Variants in CAMK1D observed in about 807,000 individuals in gnomAD.
CAMK1D encodes calcium/calmodulin-dependent protein kinase type 1D.
In CAMK1D, 9 loss-of-function variants were observed where a neutral mutation model predicts 47.7. The ratio of observed to expected loss-of-function variants is 0.19; its 90% confidence interval spans 0.11 to 0.33. The LOEUF (loss-of-function observed/expected upper bound fraction) is 0.33. Ranked by LOEUF, CAMK1D falls within the 10% of genes least tolerant of loss-of-function variation. CAMK1D has a pLI of 1.00. For synonymous variants in CAMK1D, 184 were observed against 184.9 expected (o/e 0.99, Z 0.04); for missense variants, 291 against 488.7 (o/e 0.60, Z 3.81).
At chr10:12,695,739 A>G (rs1324182428) in intron 3 of CAMK1D, among the ~76,000 whole-genome samples, 7 of 152,028 alleles carry the variant, frequency 4.6e-5, no homozygotes, top group Admixed American at 4.6e-4. Flanking sequence ...TTTTAAATTT[A>G]ATGGTTCTGT....
At chr10:12,667,172 A>G (rs1295558692) in intron 3 of CAMK1D, among the ~76,000 whole-genome samples, 2 of 152,228 alleles carry the variant, frequency 1.3e-5, no homozygotes, top group Non-Finnish European at 2.9e-5. Context: ...TCCTGTCTCT[A>G]GGAGAAACTC....
intron 2 of CAMK1D, among the ~76,000 whole-genome samples, chr10:12,592,384 A>G (rs1838023115): frequency 6.6e-6 from 1 of 152,226 alleles, no homozygotes; most frequent in Non-Finnish European, 1.5e-5. Flanking sequence ...TTGCCAGCCA[A>G]GAGTATTTTT....
intron 3 of CAMK1D, among the ~76,000 whole-genome samples, chr10:12,688,410 A>T (rs926137319): frequency 6.6e-6 from 1 of 152,222 alleles, no homozygotes; most frequent in African/African-American, 2.4e-5. Context: ...TCTAATTACT[A>T]ACTTCTCTTT....
intron 1 of CAMK1D, among the ~76,000 whole-genome samples, chr10:12,488,418 A>T (rs934298931): frequency 6.6e-6 from 1 of 152,140 alleles, no homozygotes; most frequent in Non-Finnish European, 1.5e-5. Context: ...GTTAGTGCAG[A>T]TGGCAGAGGA....
intron 3 of CAMK1D, among the ~76,000 whole-genome samples, chr10:12,670,383 TG>T (rs748727964): frequency 6.6e-6 from 1 of 152,148 alleles, no homozygotes; most frequent in East Asian, 1.9e-4. Flanking sequence ...ATCACATTCT[TG>T]GGTTGAAAGT....
intron 1 of CAMK1D, among the ~76,000 whole-genome samples, chr10:12,384,490 A>C (rs1452756639): frequency 6.6e-6 from 1 of 152,240 alleles, no homozygotes; most frequent in Non-Finnish European, 1.5e-5. Context: ...TGGTGTATAG[A>C]TCAGTGGACT....
chr10:12,379,447 G>A (rs1346402067), intron 1 of CAMK1D, among the ~76,000 whole-genome samples: 2 of 152,064 alleles, frequency 1.3e-5, no homozygotes, highest in Non-Finnish European at 2.9e-5. Flanking sequence ...GCTCAAAAAT[G>A]TTAGCTAAAA....
At chr10:12,821,607 G>A (rs1833013391) in intron 8 of CAMK1D, among the ~76,000 whole-genome samples, 1 of 152,258 alleles carries the variant, frequency 6.6e-6, no homozygotes, top group African/African-American at 2.4e-5. Context: ...TGGTCCGTGA[G>A]TGGTGGATAG....
intron 1 of CAMK1D, among the ~76,000 whole-genome samples, chr10:12,380,873 AAAAC>A (rs1488818492): frequency 6.6e-6 from 1 of 152,152 alleles, no homozygotes; most frequent in Non-Finnish European, 1.5e-5. Flanking sequence ...AACAAACAAA[AAAAC>A]AAACCCCACG....
At chr10:12,712,077 G>C (rs1332959153) in intron 3 of CAMK1D, among the ~76,000 whole-genome samples, 1 of 152,220 alleles carries the variant, frequency 6.6e-6, no homozygotes, top group East Asian at 1.9e-4. Context: ...TTGAGGGGCA[G>C]AGTAGGTTTA....
At chr10:12,747,462 C>T (rs1270687858) in intron 3 of CAMK1D, among the ~76,000 whole-genome samples, 1 of 152,100 alleles carries the variant, frequency 6.6e-6, no homozygotes, top group Non-Finnish European at 1.5e-5. Flanking sequence ...TGCACCACCA[C>T]GCCTGGCCAA....
intron 2 of CAMK1D, among the ~76,000 whole-genome samples, chr10:12,638,940 G>A (rs1839590066): frequency 6.6e-6 from 1 of 152,162 alleles, no homozygotes; most frequent in South Asian, 2.1e-4. Context: ...AGTCAGCGGT[G>A]GCTCTGCCTG....
chr10:12,506,607 C>T (rs1275190804), intron 1 of CAMK1D, among the ~76,000 whole-genome samples: 4 of 152,148 alleles, frequency 2.6e-5, no homozygotes, highest in Non-Finnish European at 4.4e-5. Context: ...CAGTCTCCGC[C>T]TCCCGGGTTC....
intron 3 of CAMK1D, among the ~76,000 whole-genome samples, chr10:12,752,620 A>C (rs1167284348): frequency 6.6e-6 from 1 of 152,196 alleles, no homozygotes; most frequent in Non-Finnish European, 1.5e-5. Context: ...ACACATAATA[A>C]ACTCCCATTA....
intron 1 of CAMK1D, among the ~76,000 whole-genome samples, chr10:12,541,842 TCTTCCTTCCTTCCTTC>T (rs150179810): frequency 4.8e-4 from 56 of 116,628 alleles, no homozygotes; most frequent in South Asian, 9.6e-4. Context: ...CTGTGTTTTA[TCTTCCTTCCTTCCTTC>T]CTTCCTTCCT....
At chr10:12,470,509 TTTTTCTTCTTC>T (rs1833712850) in intron 1 of CAMK1D, among the ~76,000 whole-genome samples, 1 of 142,452 alleles carries the variant, frequency 7.0e-6, no homozygotes, top group Non-Finnish European at 1.5e-5. Flanking sequence ...CTTCTTCTTC[TTTTTCTTCTTC>T]TTTTTTTTTT....
chr10:12,665,314 A>G (rs1415674881), intron 2 of CAMK1D, among the ~76,000 whole-genome samples: 1 of 152,254 alleles, frequency 6.6e-6, no homozygotes, highest in Admixed American at 6.5e-5. Context: ...CAAAAAGAAG[A>G]TAATATTCTT....
intron 2 of CAMK1D, among the ~76,000 whole-genome samples, chr10:12,559,272 A>G (rs1485404568): frequency 1.3e-5 from 2 of 152,088 alleles, no homozygotes; most frequent in African/African-American, 2.4e-5. Context: ...ACAGACTGAG[A>G]CACCATCTCT....
chr10:12,799,596 C>G (rs1208502597), intron 6 of CAMK1D, among the ~76,000 whole-genome samples: 1 of 152,182 alleles, frequency 6.6e-6, no homozygotes, highest in Non-Finnish European at 1.5e-5. Context: ...TGTCTGCACC[C>G]CTCATGCTTT....
Sources: allele counts gnomAD v4.1 joint callset (sites outside exome capture counted in the v4.1 genomes callset), GRCh38; gene constraint gnomAD v4.1.1; transcripts MANE v1.5; gene names NCBI Gene and HGNC (gene_info 2026-07-23, HGNC 2026-07-21).